RHOBTB1: variants seen among roughly 807,000 people sequenced by gnomAD.
The protein encoded by RHOBTB1 is Rho related BTB domain containing 1.
In RHOBTB1, 40 loss-of-function variants were observed where a neutral mutation model predicts 71.6. That is an observed-to-expected ratio of 0.56 (90% CI 0.43 to 0.73). The LOEUF is 0.73. Among genes scored for constraint, RHOBTB1 ranks in the 30% least tolerant of loss-of-function variants. The pLI, the probability that RHOBTB1 is intolerant of heterozygous loss-of-function variation, is 0.00. For synonymous variants in RHOBTB1, 319 were observed against 334.9 expected (o/e 0.95, Z 0.52); for missense variants, 797 against 894.0 (o/e 0.89, Z 1.38).
chr10:60,908,518 G>T (rs2082798022), intron 4 of RHOBTB1, among the ~76,000 whole-genome samples: 1 of 152,100 alleles, frequency 6.6e-6, no homozygotes, highest in Admixed American at 6.5e-5. Context: ...GTTTGTAAAA[G>T]CTATAATTAT....
chr10:60,882,699 A>T (rs2081382271), intron 7 of RHOBTB1, among the ~76,000 whole-genome samples: 1 of 152,108 alleles, frequency 6.6e-6, no homozygotes, highest in African/African-American at 2.4e-5. Flanking sequence ...CAACAGCCAA[A>T]TCCCAAGTGT....
intron 4 of RHOBTB1, among the ~76,000 whole-genome samples, chr10:60,910,147 T>TA (rs370006154): frequency 0.017 from 2,580 of 151,366 alleles, 33 homozygotes; most frequent in African/African-American, 0.039. Context: ...AATTAAGTGG[T>TA]AAAAAAAAAG....
chr10:60,925,673 G>C (rs759903938), intron 2 of RHOBTB1, among the ~76,000 whole-genome samples: 8 of 151,636 alleles, frequency 5.3e-5, no homozygotes, highest in African/African-American at 7.2e-5. Flanking sequence ...TCTTTAGCCA[G>C]ACTAAGAAAA....
chr10:60,908,217 G>A (rs537775706), intron 4 of RHOBTB1, among the ~76,000 whole-genome samples: 2 of 152,336 alleles, frequency 1.3e-5, no homozygotes, highest in South Asian at 2.1e-4. Context: ...GCCAAAGAAT[G>A]TTTGAGGGGC....
intron 4 of RHOBTB1, among the ~76,000 whole-genome samples, chr10:60,909,004 T>C (rs2082827370): frequency 6.6e-6 from 1 of 152,154 alleles, no homozygotes; most frequent in African/African-American, 2.4e-5. Flanking sequence ...CAGAACCAAA[T>C]GTTACAGACA....
intron 2 of RHOBTB1, among the ~76,000 whole-genome samples, chr10:60,924,659 T>C (rs2083765589): frequency 6.6e-6 from 1 of 152,110 alleles, no homozygotes; most frequent in Admixed American, 6.5e-5. Flanking sequence ...TAACAGACAT[T>C]TACAGAACAT....
chr10:60,864,602 TTTTC>T (rs1368837902), downstream of RHOBTB1, among the ~76,000 whole-genome samples: 3 of 152,126 alleles, frequency 2.0e-5, no homozygotes, highest in South Asian at 2.1e-4. Flanking sequence ...TCACATTAAT[TTTTC>T]TTTCTTTTTT....
intron 4 of RHOBTB1, among the ~76,000 whole-genome samples, chr10:60,907,222 C>A (rs773853154): frequency 9.2e-4 from 140 of 152,182 alleles, no homozygotes; most frequent in Non-Finnish European, 1.7e-3. Flanking sequence ...AGTGTAAGAA[C>A]AGACTAATAC....
chr10:60,861,099 G>A, the RHOBTB1 span, among the ~76,000 whole-genome samples: 1 of 151,966 alleles, frequency 6.6e-6, no homozygotes, highest in Non-Finnish European at 1.5e-5. Context: ...ATAATTGGCA[G>A]CACACTGGTG....
At chr10:60,940,598 C>A (rs1188210497) in intron 2 of RHOBTB1, among the ~76,000 whole-genome samples, 2 of 152,156 alleles carry the variant, frequency 1.3e-5, no homozygotes, top group Non-Finnish European at 2.9e-5. Flanking sequence ...AAACAGCTCA[C>A]AATTTTGGGT....
At chr10:60,951,925 G>C (rs1012022696) in intron 2 of RHOBTB1, among the ~76,000 whole-genome samples, 1 of 152,026 alleles carries the variant, frequency 6.6e-6, no homozygotes, top group Non-Finnish European at 1.5e-5. Flanking sequence ...GGGCATGCTG[G>C]CAGGCACCTG....
At chr10:60,888,070 C>T in intron 6 of RHOBTB1, 142 bp downstream of exon 6, 1 of 938,568 alleles carries the variant, frequency 1.1e-6, no homozygotes, top group Non-Finnish European at 1.6e-6. Context: ...GAAGTTAATG[C>T]CTGTAGCTTA....
At chr10:60,918,461 T>G (rs2083384968) in intron 2 of RHOBTB1, among the ~76,000 whole-genome samples, 1 of 152,238 alleles carries the variant, frequency 6.6e-6, no homozygotes. Context: ...TCTGGAGTTC[T>G]GCCCCCATAA....
chr10:60,895,740 C>T (rs1385245825), intron 4 of RHOBTB1, among the ~76,000 whole-genome samples: 1 of 152,232 alleles, frequency 6.6e-6, no homozygotes, highest in Non-Finnish European at 1.5e-5. Flanking sequence ...GCTTAAATGT[C>T]TTGTGGTTAA....
At chr10:60,973,008 T>G (rs535300109) in intron 2 of RHOBTB1, among the ~76,000 whole-genome samples, 43 of 152,160 alleles carry the variant, frequency 2.8e-4, no homozygotes, top group Admixed American at 2.4e-3. Flanking sequence ...ACCGTGACTA[T>G]AGAAGTAAAT....
intron 2 of RHOBTB1, among the ~76,000 whole-genome samples, chr10:60,964,035 A>G (rs1036471571): frequency 6.6e-6 from 1 of 152,136 alleles, no homozygotes; most frequent in African/African-American, 2.4e-5. Flanking sequence ...AAATTCATGA[A>G]AAATGCACAA....
At chr10:60,965,843 G>A (rs566378907) in intron 2 of RHOBTB1, among the ~76,000 whole-genome samples, 8 of 152,140 alleles carry the variant, frequency 5.3e-5, no homozygotes, top group African/African-American at 1.9e-4. Context: ...ACATCTGATA[G>A]GACATTGTCT....
At chr10:60,998,660 G>C (rs1322913994) in intron 1 of RHOBTB1, among the ~76,000 whole-genome samples, 1 of 152,148 alleles carries the variant, frequency 6.6e-6, no homozygotes, top group Non-Finnish European at 1.5e-5. Context: ...CATATGCTGG[G>C]ATCCTGTGGG....
intron 2 of RHOBTB1, among the ~76,000 whole-genome samples, chr10:60,969,998 C>T (rs1047002218): frequency 6.6e-5 from 10 of 151,984 alleles, no homozygotes; most frequent in African/African-American, 1.9e-4. Context: ...CTGGGCCAAC[C>T]GTTTGATTGA....
Sources: allele counts gnomAD v4.1 joint callset (sites outside exome capture counted in the v4.1 genomes callset), GRCh38; gene constraint gnomAD v4.1.1; transcripts MANE v1.5; gene names NCBI Gene and HGNC (gene_info 2026-07-23, HGNC 2026-07-21).